PIGL: variants seen among roughly 807,000 people sequenced by gnomAD.
The protein encoded by PIGL is phosphatidylinositol glycan anchor biosynthesis class L.
In PIGL, 22 loss-of-function variants were observed where a neutral mutation model predicts 31.1. That is an observed-to-expected ratio of 0.71 (90% CI 0.51 to 1.01). The LOEUF is 1.01. Among genes scored for constraint, PIGL ranks in the 50% least tolerant of loss-of-function variants. PIGL has a pLI of 0.00. For missense variants in PIGL, 302 were observed against 315.9 expected (o/e 0.96, Z 0.33); for synonymous variants, 131 against 117.4 (o/e 1.12, Z -0.75).
At chr17:16,237,805 CAA>C (rs57265734) in intron 2 of PIGL, among the ~76,000 whole-genome samples, 27 of 101,732 alleles carry the variant, frequency 2.7e-4, no homozygotes, top group Admixed American at 6.0e-4. Flanking sequence ...GTCTCAAAAG[CAA>C]AAAAAAAAAA....
chr17:16,217,529 A>C, intron 1 of PIGL, 68 bp downstream of exon 1: 2 of 1,265,642 alleles, frequency 1.6e-6, no homozygotes, highest in African/African-American at 1.5e-5. Context: ...AACCGATCTC[A>C]GTCGCCTTCT....
chr17:16,272,934 C>G (rs1056959503), intron 2 of PIGL, among the ~76,000 whole-genome samples: 14 of 152,138 alleles, frequency 9.2e-5, no homozygotes, highest in African/African-American at 3.1e-4. Flanking sequence ...AACTGGTGCC[C>G]CACTGAGCCA....
At chr17:16,257,334 T>C (rs2092798253) in intron 2 of PIGL, among the ~76,000 whole-genome samples, 1 of 152,032 alleles carries the variant, frequency 6.6e-6, no homozygotes, top group South Asian at 2.1e-4. Context: ...GGAGAATCGC[T>C]TGAACCCAGG....
chr17:16,247,469 T>C (rs1042573609), intron 2 of PIGL, among the ~76,000 whole-genome samples: 4 of 152,122 alleles, frequency 2.6e-5, no homozygotes, highest in Non-Finnish European at 5.9e-5. Flanking sequence ...AGGCATAGGA[T>C]AGATATTTTC....
intron 2 of PIGL, among the ~76,000 whole-genome samples, chr17:16,242,416 C>A (rs994676262): frequency 4.0e-5 from 6 of 151,780 alleles, no homozygotes; most frequent in Admixed American, 2.6e-4. Context: ...TATTTTGATT[C>A]TTTTTTATTA....
chr17:16,271,682 C>A (rs973423575), intron 2 of PIGL, among the ~76,000 whole-genome samples: 4 of 152,022 alleles, frequency 2.6e-5, no homozygotes, highest in Non-Finnish European at 4.4e-5. Context: ...CAGGCGCACA[C>A]CACCACACCC....
chr17:16,289,048 C>T (rs1004209223), intron 2 of PIGL, among the ~76,000 whole-genome samples: 6 of 151,932 alleles, frequency 3.9e-5, no homozygotes, highest in Middle Eastern at 3.4e-3. Flanking sequence ...ACAACCTTAC[C>T]GGATATTTCA....
chr17:16,306,605 C>T (rs2093027633), intron 3 of PIGL, among the ~76,000 whole-genome samples: 1 of 147,354 alleles, frequency 6.8e-6, no homozygotes, highest in Admixed American at 6.9e-5. Flanking sequence ...CTCAGCTCAA[C>T]TGCAACCTCT....
intron 2 of PIGL, among the ~76,000 whole-genome samples, chr17:16,271,150 A>G (rs2092870365): frequency 1.3e-5 from 2 of 152,210 alleles, no homozygotes; most frequent in African/African-American, 4.8e-5. Flanking sequence ...AGACTCAAAA[A>G]TAGAATTAGG....
At chr17:16,278,665 A>G (rs760425855) in intron 2 of PIGL, among the ~76,000 whole-genome samples, 1 of 151,676 alleles carries the variant, frequency 6.6e-6, no homozygotes, top group African/African-American at 2.4e-5. Flanking sequence ...TCAAACTTCA[A>G]CTTTTTCCTA....
chr17:16,293,307 G>C (rs567048078), intron 2 of PIGL, among the ~76,000 whole-genome samples: 3 of 152,180 alleles, frequency 2.0e-5, no homozygotes, highest in Non-Finnish European at 2.9e-5. Flanking sequence ...GGTGGATCAC[G>C]AGGTCAGGAG....
chr17:16,224,540 C>A (rs1370993529), intron 1 of PIGL, among the ~76,000 whole-genome samples: 1 of 152,006 alleles, frequency 6.6e-6, no homozygotes, highest in African/African-American at 2.4e-5. Flanking sequence ...CTCTTGACCT[C>A]AGGTGATCCA....
At chr17:16,318,027 T>G in intron 6 of PIGL, 119 bp downstream of exon 6, 1 of 802,466 alleles carries the variant, frequency 1.2e-6, no homozygotes, top group Admixed American at 2.1e-5. Context: ...GTTCAGCACC[T>G]GTCCCTGAGA....
chr17:16,285,884 T>C (rs1350878861), intron 2 of PIGL, among the ~76,000 whole-genome samples: 2 of 152,252 alleles, frequency 1.3e-5, no homozygotes, highest in African/African-American at 4.8e-5. Context: ...GCAACCTCCC[T>C]GCAGCTTAGA....
intron 2 of PIGL, among the ~76,000 whole-genome samples, chr17:16,299,208 C>T (rs1394598587): frequency 2.0e-5 from 3 of 151,754 alleles, no homozygotes; most frequent in Non-Finnish European, 2.9e-5. Context: ...AATCCCAGCA[C>T]TTTGGGAGGC....
intron 3 of PIGL, among the ~76,000 whole-genome samples, chr17:16,310,350 C>G (rs1181051445): frequency 1.3e-5 from 2 of 150,624 alleles, no homozygotes; most frequent in African/African-American, 4.9e-5. Context: ...GTGAAGTTAA[C>G]TATGTACTTA....
At chr17:16,232,297 G>A (rs951301588) in intron 1 of PIGL, among the ~76,000 whole-genome samples, 4 of 151,794 alleles carry the variant, frequency 2.6e-5, no homozygotes, top group Admixed American at 6.6e-5. Flanking sequence ...GGAAAGAAAA[G>A]AAAATTAGGG....
At chr17:16,252,150 T>C (rs2092775467) in intron 2 of PIGL, among the ~76,000 whole-genome samples, 2 of 151,410 alleles carry the variant, frequency 1.3e-5, no homozygotes, top group Non-Finnish European at 2.9e-5. Flanking sequence ...CTCGGCTCAC[T>C]GCGACCTCCA....
intron 2 of PIGL, among the ~76,000 whole-genome samples, chr17:16,240,695 CT>C (rs1225004460): frequency 6.6e-6 from 1 of 151,476 alleles, no homozygotes; most frequent in African/African-American, 2.4e-5. Flanking sequence ...GAGATGGAGT[CT>C]TGCTAGCTTG....
Sources: allele counts gnomAD v4.1 joint callset (sites outside exome capture counted in the v4.1 genomes callset), GRCh38; gene constraint gnomAD v4.1.1; transcripts MANE v1.5; gene names NCBI Gene and HGNC (gene_info 2026-07-23, HGNC 2026-07-21).